FAM149A: variants seen among roughly 807,000 people sequenced by gnomAD.
FAM149A encodes the protein family with sequence similarity 149 member A, also known as protein FAM149A.
In FAM149A, 71 loss-of-function variants were observed where a neutral mutation model predicts 78.2. The observed-to-expected ratio is 0.91, with a 90% CI of 0.75 to 1.11. FAM149A has a LOEUF of 1.11. Among genes scored for constraint, FAM149A ranks in the 50% least tolerant of loss-of-function variants. FAM149A has a pLI of 0.00. For missense variants in FAM149A, 1,036 were observed against 971.0 expected (o/e 1.07, Z -0.89); for synonymous variants, 446 against 410.5 (o/e 1.09, Z -1.04).
At chr4:186,162,666 C>T (rs1351316463) in intron 8 of FAM149A, among the ~76,000 whole-genome samples, 179 bp from the exon 9 acceptor site, 6 of 152,290 alleles carry the variant, frequency 3.9e-5, no homozygotes, top group Admixed American at 2.0e-4. Context: ...TTAACCAATT[C>T]GTTGTTAATG....
chr4:186,146,956 T>C, intron 1 of FAM149A: 1 of 985,410 alleles, frequency 1.0e-6, no homozygotes, highest in Non-Finnish European at 1.2e-6. Flanking sequence ...GGTGCTTAGC[T>C]TAAAAGATGA....
At position 186,163,567 on chromosome 4, in the gene FAM149A, C is replaced by T; in HGVS notation, c.1823C>T (p.Ala608Val). ...GTGCCCTGGAGGCTGCCTTCTCTTG[C>T]TTCAGATTCACAGAGACTAAAAACT... The change falls in exon 10 of 14, where the codon GCT becomes GTT. Residue 608 changes from alanine (A) to valine (V), a missense_variant. Physicochemically the swap from Ala to Val is moderately conservative, Grantham distance 64. Coordinates refer to ENST00000389354, the MANE Select transcript of FAM149A (RefSeq NM_001367768.3). The T allele has an allele frequency of 6.2e-7, 1 of 1,614,214 alleles. No individual in the cohort carries two copies. The highest frequency in any genetic ancestry group is 8.5e-7 in the Non-Finnish European group (1 of 1,180,034).
intron 8 of FAM149A, among the ~76,000 whole-genome samples, chr4:186,162,111 A>G (rs1734651508): frequency 6.6e-6 from 1 of 152,252 alleles, no homozygotes; most frequent in Non-Finnish European, 1.5e-5. Flanking sequence ...CTGTCATCTC[A>G]TTTAATTCTC....
chr4:186,116,709 T>C (rs966302971), intron 1 of FAM149A: 2 of 966,550 alleles, frequency 2.1e-6, no homozygotes, highest in Non-Finnish European at 2.5e-6. Flanking sequence ...GTGATTCTCC[T>C]GCCTCAGACT....
At chr4:186,112,090 TCTC>T (rs1366448871) in intron 1 of FAM149A, among the ~76,000 whole-genome samples, 1 of 136,288 alleles carries the variant, frequency 7.3e-6, no homozygotes, top group African/African-American at 2.8e-5. Context: ...GGTTTGTAGT[TCTC>T]CTTGAAGAGG....
intron 6 of FAM149A, chr4:186,154,957 G>T: frequency 3.1e-6 from 3 of 968,312 alleles, no homozygotes; most frequent in South Asian, 9.9e-5. Context: ...TACTAAATTC[G>T]TATTTTGTTC....
At chr4:186,135,141 A>G (rs1324542590) in intron 1 of FAM149A, among the ~76,000 whole-genome samples, 3 of 152,246 alleles carry the variant, frequency 2.0e-5, no homozygotes, top group Non-Finnish European at 4.4e-5. Flanking sequence ...ATCCTGCTGC[A>G]TGTTACAATT....
chr4:186,123,250 G>A, intron 1 of FAM149A: 2 of 985,362 alleles, frequency 2.0e-6, no homozygotes, highest in Non-Finnish European at 2.4e-6. Context: ...ATGGCTGTTT[G>A]TATAGTTTAT....
intron 4 of FAM149A, 158 bp from the exon 5 acceptor site, chr4:186,153,487 T>G: frequency 1.0e-6 from 1 of 985,002 alleles, no homozygotes; most frequent in South Asian, 4.7e-5. Flanking sequence ...GCCTAAACTC[T>G]CAAAGTCACA....
At chr4:186,129,159 A>C (rs2099319571) in intron 1 of FAM149A, among the ~76,000 whole-genome samples, 1 of 98,070 alleles carries the variant, frequency 1.0e-5, no homozygotes, top group South Asian at 3.2e-4. Context: ...GTGTCTGTGC[A>C]TGTGTGTATG....
At chr4:186,162,459 A>G (rs1014677839) in intron 8 of FAM149A, among the ~76,000 whole-genome samples, 5 of 151,958 alleles carry the variant, frequency 3.3e-5, no homozygotes, top group Admixed American at 1.3e-4. Flanking sequence ...TTGCCCTCCA[A>G]CCTCCGGGAT....
In FAM149A at chr4:186,130,183, G is replaced by A. The variant is rs114257152; in HGVS notation, c.567-18990G>A. 2.3e-3 allele frequency: 346 copies of A among 150,964 alleles called. 1 individual carries two copies. Among genetic ancestry groups the A allele is most frequent in the African/African-American group, 8.0e-3 (329 of 41,084 alleles). The allele number at this position is 150,964 out of a possible 1,614,324, so 9.4% of individuals were successfully genotyped here. A position where few individuals can be genotyped will look rare whatever the true frequency, so the allele number is the denominator to read the frequency against. On this transcript the variant is annotated intron_variant, in intron 1 of 13. Transcript: ENST00000389354. ...TACAGAACACAGATAGGAGGTAACT[G>A]TTACAACCCAGACATAAACTTGTAA...
intron 8 of FAM149A, among the ~76,000 whole-genome samples, chr4:186,161,299 C>T (rs1385757210): frequency 6.6e-6 from 1 of 152,062 alleles, no homozygotes; most frequent in Non-Finnish European, 1.5e-5. Flanking sequence ...AGCAAAACTG[C>T]ACCTGGCGTG....
chr4:186,125,315 C>T (rs1715060), intron 1 of FAM149A: 362,460 of 984,864 alleles, frequency 0.37, 67,497 homozygotes, highest in Admixed American at 0.4. Context: ...ATATCTTTCT[C>T]GTTGGATGAA....
intron 1 of FAM149A, chr4:186,130,262 A>ACTCTCTCTCTCTCT: frequency 4.8e-5 from 1 of 20,790 alleles, no homozygotes; most frequent in Non-Finnish European, 1.1e-4. Context: ...GACTTTATGA[A>ACTCTCTCTCTCTCT]ATCTCTCTCT....
At chr4:186,111,612 A>G (rs1199125807) in intron 1 of FAM149A, among the ~76,000 whole-genome samples, 1 of 151,526 alleles carries the variant, frequency 6.6e-6, no homozygotes, top group Non-Finnish European at 1.5e-5. Flanking sequence ...CTTTCTACAT[A>G]TGGCTAGCCA....
intron 1 of FAM149A, among the ~76,000 whole-genome samples, chr4:186,118,862 T>C (rs1230305040): frequency 6.6e-6 from 1 of 152,200 alleles, no homozygotes; most frequent in Non-Finnish European, 1.5e-5. Context: ...CCCATTCTTA[T>C]TCCTGCTTTA....
In FAM149A at chr4:186,154,529, C is replaced by G. The variant is rs948530765; in HGVS notation, c.1120C>G (p.Pro374Ala). The change falls in exon 6 of 14, where the codon CCT becomes GCT. Residue 374 changes from proline (P) to alanine (A), a missense_variant. Transcript: ENST00000389354. ...ACTCTCAGCCTCTGCCCTGCCAGGC[C>G]CTGATGACACAGGGGTTGCTGACCT... 1 of 1,614,056 alleles carries G rather than the reference C, an allele frequency of 6.2e-7. No homozygotes were observed. The highest frequency in any genetic ancestry group is 2.2e-5 in the East Asian group (1 of 44,874).
rs1735073299 is a variant in FAM149A, at chr4:186,166,873, A to G, written c.2011-95A>G. 10 of 1,261,948 alleles carry G rather than the reference A, an allele frequency of 7.9e-6. No individual in the cohort carries two copies. In the Admixed American group the frequency reaches 1.4e-4, roughly 17 times the overall value. 78.2% of individuals were successfully genotyped at this position (1,261,948 alleles called of 1,614,324 possible). ...AGTAATGTCTAACTAAAAGTTTCCA[A>G]ATAGATGAGTGAACGATTGAGCATG... is the stretch of plus-strand genomic sequence containing the variant. On this transcript the variant is annotated intron_variant, in intron 11 of 13. Transcript: ENST00000389354.
Sources: allele counts gnomAD v4.1 joint callset (sites outside exome capture counted in the v4.1 genomes callset), GRCh38; gene constraint gnomAD v4.1.1; transcripts MANE v1.5; gene names NCBI Gene and HGNC (gene_info 2026-07-23, HGNC 2026-07-21).